The following FGD5 variants were observed in gnomAD, a reference collection of about 807,000 sequenced individuals.
FGD5 encodes FYVE, RhoGEF and PH domain containing 5.
A neutral mutation model predicts 133.4 loss-of-function variants in FGD5; 28 were observed. The observed-to-expected ratio is 0.21, with a 90% CI of 0.16 to 0.29. FGD5 has a LOEUF of 0.29. FGD5 is among the 10% of genes least tolerant of loss of function. The pLI is 1.00. For missense variants in FGD5, 1,858 were observed against 1,895.2 expected (o/e 0.98, Z 0.36); for synonymous variants, 810 against 776.5 (o/e 1.04, Z -0.72).
At position 14,821,323 on chromosome 3, in the gene FGD5, C is replaced by T. The variant is rs773367636; in HGVS notation, c.2252C>T (p.Pro751Leu). The part of the protein sequence containing the change: ...RVESFEDRSR[P>L]PFLPLPLTKP... ...GAGTCCTTTGAAGACCGCTCCCGGCCGCCCTTCCTGCCCTTGCCACTGACC... is the reference window on the plus strand; with the variant it reads ...GAGTCCTTTGAAGACCGCTCCCGGCTGCCCTTCCTGCCCTTGCCACTGACC... Residue 751 changes from proline (P) to leucine (L), a missense_variant, in exon 1 of 20, where the codon CCG (proline) becomes CTG (leucine). By Grantham distance (98) the Pro-to-Leu change is moderately conservative. This residue lies in a region of FGD5 where 1,824 missense variants were observed against 1,848.9 expected (regional missense o/e 0.99). Transcript: ENST00000285046. 29 of 1,613,874 alleles carry T rather than the reference C, an allele frequency of 1.8e-5. No homozygotes were observed. The highest frequency in any genetic ancestry group is 4.5e-5 in the East Asian group (2 of 44,884).
intron 4 of FGD5, among the ~76,000 whole-genome samples, chr3:14,893,651 T>C (rs760535817): frequency 2.6e-5 from 4 of 152,126 alleles, no homozygotes; most frequent in African/African-American, 4.8e-5. Context: ...CCTGGCCTCT[T>C]CTAGCTATTT....
intron 4 of FGD5, among the ~76,000 whole-genome samples, chr3:14,893,569 A>G (rs375345207): frequency 1.3e-5 from 2 of 152,078 alleles, no homozygotes; most frequent in East Asian, 3.9e-4. Flanking sequence ...GCTAGTCTTG[A>G]ACTCCTGACT....
intron 1 of FGD5, among the ~76,000 whole-genome samples, chr3:14,860,018 C>G (rs13079221): frequency 0.57 from 86,510 of 151,894 alleles, 25,060 homozygotes; most frequent in African/African-American, 0.64. Context: ...ATCATGGTCA[C>G]AACTAAACAT....
chr3:14,911,876 C>T (rs1240517901), intron 11 of FGD5, among the ~76,000 whole-genome samples: 4 of 151,194 alleles, frequency 2.6e-5, no homozygotes, highest in Non-Finnish European at 5.9e-5. Flanking sequence ...TCTGGAGTGT[C>T]TGCTGGGTGC....
chr3:14,905,619 T>C (rs34456329), intron 9 of FGD5, among the ~76,000 whole-genome samples: 2,752 of 152,230 alleles, frequency 0.018, 39 homozygotes, highest in Non-Finnish European at 0.03. Context: ...AAAATTTCCA[T>C]TGGACGCTCA....
intron 4 of FGD5, among the ~76,000 whole-genome samples, chr3:14,883,382 A>T (rs543621163): frequency 6.6e-6 from 1 of 152,150 alleles, no homozygotes; most frequent in East Asian, 1.9e-4. Flanking sequence ...AACTTTCCTC[A>T]CCTGCGCATC....
chr3:14,896,658 A>T (rs1024416283), intron 4 of FGD5, among the ~76,000 whole-genome samples: 2 of 152,092 alleles, frequency 1.3e-5, no homozygotes, highest in Non-Finnish European at 2.9e-5. Flanking sequence ...TTTAGTAGAG[A>T]CAGGGTTTCT....
Position 14,901,060 on chromosome 3 carries a change from G to A in FGD5, c.3263G>A (p.Gly1088Glu). Residue 1088 changes from glycine (G) to glutamate (E), a missense_variant and splice_region_variant, in exon 9 of 20, where the codon GGG (glycine) becomes GAG (glutamate). By Grantham distance (98) the Gly-to-Glu change is moderately conservative (BLOSUM62 -2). Coordinates refer to ENST00000285046, the MANE Select transcript of FGD5 (RefSeq NM_152536.4). ...TDRANDSMEQ[G>E]ENLQKLVHIE... ...CGTGCCAACGACAGCATGGAGCAAGGGGTGAGTGCGGCCTGGCGGCCCCCT... is the reference window on the plus strand; with the variant it reads ...CGTGCCAACGACAGCATGGAGCAAGAGGTGAGTGCGGCCTGGCGGCCCCCT... The A allele has an allele frequency of 6.2e-7, 1 of 1,614,012 alleles. No homozygotes were observed. Among genetic ancestry groups the A allele is most frequent in the Non-Finnish European group, 8.5e-7 (1 of 1,179,884 alleles).
intron 9 of FGD5, among the ~76,000 whole-genome samples, chr3:14,901,372 C>G (rs1010758715): frequency 2.6e-5 from 4 of 152,218 alleles, no homozygotes; most frequent in African/African-American, 9.7e-5. Flanking sequence ...GTTGGATCCT[C>G]CCAGTCAGAG....
rs369119446 is a variant in FGD5 at position 14,820,487 on chromosome 3, C to T, written c.1416C>T (p.Pro472=). 118 of 1,613,802 alleles carry T rather than the reference C, an allele frequency of 7.3e-5. No homozygotes were observed. The Middle Eastern group carries it at 1.2e-3, about 16-fold the overall frequency. The stretch of plus-strand genomic sequence containing the variant: ...GTGAGGCAGAGGGTGGCCTGGTTCC[C>T]GCGGACAGGAAGAACACCAGCACGA... ...LNCEAEGGLV[P]ADRKNTSTRV... The change falls in exon 1 of 20, where the codon CCC becomes CCT. Residue 472 remains proline, a synonymous_variant. Transcript: ENST00000285046.
chr3:14,926,045 G>T, intron 17 of FGD5, 25 bp from the exon 18 acceptor site: 1 of 1,612,238 alleles, frequency 6.2e-7, no homozygotes, highest in South Asian at 1.1e-5. Flanking sequence ...GGGGTGGGCT[G>T]ACCGCTCTGC....
At chr3:14,811,773 G>T (rs536705109) in intron 1 of FGD5, among the ~76,000 whole-genome samples, 9 of 152,318 alleles carry the variant, frequency 5.9e-5, no homozygotes, top group African/African-American at 2.2e-4. Flanking sequence ...CCATCTAAGG[G>T]GAGGGCAGAA....
chr3:14,883,605 C>T (rs1036906261), intron 4 of FGD5, among the ~76,000 whole-genome samples: 1 of 152,202 alleles, frequency 6.6e-6, no homozygotes, highest in African/African-American at 2.4e-5. Context: ...CTGAATTGAC[C>T]ATTCATTCTG....
rs545900970 is a variant in FGD5, at chr3:14,863,437, G to A, written c.2526-691G>A. Among the ~76,000 whole-genome samples, 6 of 152,290 alleles carry A rather than the reference G, an allele frequency of 3.9e-5. No homozygotes were observed. The East Asian group carries it at 9.7e-4, about 25-fold the overall frequency. On this transcript the variant is annotated intron_variant, in intron 1 of 19. Coordinates refer to ENST00000285046, the MANE Select transcript of FGD5 (RefSeq NM_152536.4). ...TGCTTCACTCACCAGTGTTTTACTC[G>A]ATGCCTAGCCCATGCCTGCTTAAAG... is the stretch of plus-strand genomic sequence containing the variant.
chr3:14,902,056 TG>T lies in FGD5; in HGVS notation c.3264+997del, dbSNP rs531389001. On this transcript the variant is annotated intron_variant, in intron 9 of 19. Coordinates refer to ENST00000285046, the MANE Select transcript of FGD5 (RefSeq NM_152536.4). ...CAGCACTTTGGGAGGCCGAGGCAGG[TG>T]GATCACTTGAGGTCAGGAGTTCAAG... 1.6e-4 allele frequency among the ~76,000 whole-genome samples: 25 copies of T among 151,594 alleles called. No individual in the cohort carries two copies. In the East Asian group the frequency reaches 4.7e-3, roughly 28 times the overall value.
intron 1 of FGD5, among the ~76,000 whole-genome samples, chr3:14,856,930 G>C (rs567494632): frequency 6.6e-6 from 1 of 152,140 alleles, no homozygotes; most frequent in South Asian, 2.1e-4. Context: ...TTGAAGAATG[G>C]TGGTGAGAGT....
intron 18 of FGD5, chr3:14,931,862 A>G (rs1425458220): frequency 6.6e-6 from 1 of 152,176 alleles, no homozygotes; most frequent in Non-Finnish European, 1.5e-5. Context: ...CATGGAAAGA[A>G]TGTGGGGTTA....
chr3:14,919,617 C>CAAAACA (rs367786402), intron 13 of FGD5, among the ~76,000 whole-genome samples: 86 of 152,192 alleles, frequency 5.7e-4, no homozygotes, highest in Admixed American at 3.6e-3. Context: ...GACTCCGTCT[C>CAAAACA]AAAACAAAAA....
At chr3:14,882,250 G>T in intron 4 of FGD5, 1 of 974,472 alleles carries the variant, frequency 1.0e-6, no homozygotes, top group Non-Finnish European at 1.2e-6. Flanking sequence ...ATGACAGAGG[G>T]GCTGGGCAAT....
Sources: gnomAD v4.1 joint callset for allele counts (sites outside exome capture counted in the v4.1 genomes callset) on GRCh38, gnomAD v4.1.1 for gene constraint, gnomAD v4.1.1 regional missense constraint, MANE v1.5 for transcripts, NCBI Gene and HGNC (gene_info 2026-07-23, HGNC 2026-07-21) for gene names.